The following POLR3GL variants were observed in gnomAD, a reference collection of about 807,000 sequenced individuals.
POLR3GL encodes the protein DNA-directed RNA polymerase III subunit RPC7-like.
Under a neutral mutation model 32.4 loss-of-function variants are expected in POLR3GL, and 26 were observed. That is an observed-to-expected ratio of 0.80 (90% CI 0.59 to 1.11). POLR3GL has a LOEUF of 1.11. Ranked by LOEUF, POLR3GL falls within the 50% of genes most tolerant of loss-of-function variation. The probability of loss-of-function intolerance (pLI) is 0.00; values close to 1 mark genes in which losing one functional copy is unlikely to be tolerated. For missense variants in POLR3GL, 229 were observed against 280.1 expected (o/e 0.82, Z 1.30); for synonymous variants, 95 against 98.7 (o/e 0.96, Z 0.22).
intron 1 of POLR3GL, among the ~76,000 whole-genome samples, chr1:145,967,301 AGTAGCT>A (rs1424320869): frequency 6.6e-6 from 1 of 151,654 alleles, no homozygotes; most frequent in Non-Finnish European, 1.5e-5. Context: ...CAGCCTCCTG[AGTAGCT>A]GGAATTAAAG....
intron 1 of POLR3GL, among the ~76,000 whole-genome samples, chr1:145,973,657 A>G (rs1553762985): frequency 6.6e-6 from 1 of 151,828 alleles, no homozygotes; most frequent in Non-Finnish European, 1.5e-5. Flanking sequence ...GGTTGCAGTG[A>G]GCCAAGATTG....
In POLR3GL at chr1:145,977,966, A is replaced by G. The variant is rs782293165; in HGVS notation, c.457-17A>G. 1.2e-6 allele frequency: 2 copies of G among 1,614,010 alleles called. No individual in the cohort carries two copies. Among genetic ancestry groups the G allele is most frequent in the Admixed American group, 1.7e-5 (1 of 60,000 alleles). ...GAACTGAACCTGAGTTTCTATTCCT[A>G]TTCATCCCCACATGAGACCCTGGAG... On this transcript the variant is annotated splice_polypyrimidine_tract_variant and intron_variant, in intron 6 of 7. Coordinates refer to ENST00000369314, the MANE Select transcript of POLR3GL (RefSeq NM_032305.3).
intron 2 of POLR3GL, 119 bp downstream of exon 2, chr1:145,975,110 C>A: frequency 7.4e-7 from 1 of 1,344,368 alleles, no homozygotes. Flanking sequence ...TCTATACTCC[C>A]AATGCACAGG....
chr1:145,965,227 G>A (rs1649965385), intron 1 of POLR3GL, among the ~76,000 whole-genome samples: 1 of 152,158 alleles, frequency 6.6e-6, no homozygotes, highest in South Asian at 2.1e-4. Context: ...TAGAATAGAA[G>A]GTTTTGTAGG....
At chr1:145,970,931 A>G (rs1311851759) in intron 1 of POLR3GL, among the ~76,000 whole-genome samples, 1 of 142,822 alleles carries the variant, frequency 7.0e-6, no homozygotes, top group Non-Finnish European at 1.5e-5. Context: ...TCATGCCTGT[A>G]ATCTAGCACT....
Position 145,978,464 on chromosome 1 carries a change from C to T in POLR3GL, c.*17C>T, listed in dbSNP as rs1650667165. Reference sequence around the variant, plus strand: ...ATATACTGAAGAAGGACTCTGGACCCTCGTGTCTTTCTTTAGGATACAGAG... The same window carrying T: ...ATATACTGAAGAAGGACTCTGGACCTTCGTGTCTTTCTTTAGGATACAGAG... On this transcript the variant is annotated 3_prime_UTR_variant, in exon 8 of 8. Transcript: ENST00000369314. 1.3e-6 allele frequency: 2 copies of T among 1,505,628 alleles called. No individual in the cohort carries two copies. Among genetic ancestry groups the T allele is most frequent in the East Asian group, 2.3e-5 (1 of 44,400 alleles). The allele number at this position is 1,505,628 out of a possible 1,614,324, so 93.3% of individuals were successfully genotyped here. A position where few individuals can be genotyped will look rare whatever the true frequency, so the allele number is the denominator to read the frequency against.
intron 1 of POLR3GL, among the ~76,000 whole-genome samples, chr1:145,970,596 G>A (rs1570992526): frequency 6.6e-6 from 1 of 151,930 alleles, no homozygotes; most frequent in Non-Finnish European, 1.5e-5. Context: ...TAGATTGGCC[G>A]GCCGCGGTGA....
intron 1 of POLR3GL, among the ~76,000 whole-genome samples, chr1:145,972,024 G>GTGTC (rs1650342312): frequency 7.2e-6 from 1 of 138,632 alleles, no homozygotes; most frequent in African/African-American, 2.8e-5. Context: ...GTGTGTGTGT[G>GTGTC]TGTGTGTATA....
intron 1 of POLR3GL, among the ~76,000 whole-genome samples, chr1:145,967,533 A>G (rs1650094113): frequency 6.6e-6 from 1 of 151,972 alleles, no homozygotes; most frequent in African/African-American, 2.4e-5. Context: ...TTCTATTGAG[A>G]TGATTTTTTA....
Position 145,978,738 on chromosome 1 carries a change from C to T in POLR3GL, c.*291C>T, listed in dbSNP as rs1370271111. On this transcript the variant is annotated 3_prime_UTR_variant, in exon 8 of 8. Transcript: ENST00000369314. ...GGTTGTTAGAGCTGAGATGACTGTACACATACCCCTGCCCAATTTATATAG... is the reference window on the plus strand; with the variant it reads ...GGTTGTTAGAGCTGAGATGACTGTATACATACCCCTGCCCAATTTATATAG... 1 of 370,556 alleles carries T rather than the reference C, an allele frequency of 2.7e-6. No homozygotes were observed. The highest frequency in any genetic ancestry group is 4.9e-6 in the Non-Finnish European group (1 of 204,236). 23.0% of individuals were successfully genotyped at this position (370,556 alleles called of 1,614,324 possible).
At chr1:145,976,555 C>T (rs1173789269) in intron 3 of POLR3GL, among the ~76,000 whole-genome samples, 2 of 142,396 alleles carry the variant, frequency 1.4e-5, no homozygotes, top group African/African-American at 5.4e-5. Context: ...CCAGCCCAGG[C>T]GACAGTGCGA....
At position 145,977,641 on chromosome 1, in the gene POLR3GL, CA is replaced by C. The variant is rs3215863; in HGVS notation, c.382+104del. The stretch of plus-strand genomic sequence containing the variant: ...CACCTTCCATCCCAGTTCCTATACC[CA>C]ATCTACCAAGTGTTGTTGCTAGATG... On this transcript the variant is annotated intron_variant, in intron 5 of 7. Coordinates refer to ENST00000369314, the MANE Select transcript of POLR3GL (RefSeq NM_032305.3). 4.8e-3 allele frequency: 6,290 copies of C among 1,315,654 alleles called. 198 individuals carry two copies. The East Asian group carries it at 0.07, about 15-fold the overall frequency. 81.5% of individuals were successfully genotyped at this position (1,315,654 alleles called of 1,614,324 possible).
At chr1:145,970,272 C>T (rs1650219284) in intron 1 of POLR3GL, among the ~76,000 whole-genome samples, 1 of 151,986 alleles carries the variant, frequency 6.6e-6, no homozygotes, top group Non-Finnish European at 1.5e-5. Context: ...CAGTCTCCCA[C>T]GTAGCTGGGA....
chr1:145,971,829 G>A (rs1223374102), intron 1 of POLR3GL, among the ~76,000 whole-genome samples: 1 of 151,016 alleles, frequency 6.6e-6, no homozygotes, highest in Non-Finnish European at 1.5e-5. Context: ...GCCGGGCGTA[G>A]TGGCGTGCGC....
In POLR3GL at chr1:145,975,430, A is replaced by C. The variant is rs1553763260; in HGVS notation, c.250A>C (p.Lys84Gln). The C allele has an allele frequency of 9.3e-6, 15 of 1,613,596 alleles. No homozygotes were observed. Among genetic ancestry groups the C allele is most frequent in the Non-Finnish European group, 1.2e-5 (14 of 1,179,538 alleles). Residue 84 changes from lysine to glutamine, a missense_variant, in exon 3 of 8, where the codon AAG becomes CAG. Physicochemically the swap from Lys to Gln is moderately conservative, Grantham distance 53 (BLOSUM62 1). Coordinates refer to ENST00000369314, the MANE Select transcript of POLR3GL (RefSeq NM_032305.3). ...CTACTTCATCCGGCCAGCTGTCCCC[A>C]AGAGAGGTCAGTTGGAATGCTAGCA... is the stretch of plus-strand genomic sequence containing the variant. ...LPYFIRPAVP[K>Q]RDVERYSDKY...
Position 145,978,003 on chromosome 1 carries a change from A to G in POLR3GL, c.477A>G (p.Glu159=), listed in dbSNP as rs782643951. 29 of 1,612,774 alleles carry G rather than the reference A, an allele frequency of 1.8e-5. No individual in the cohort carries two copies. The South Asian group carries it at 3.1e-4, about 17-fold the overall frequency. ...ATGAGACCCTGGAGAAGAAGGAAGA[A>G]GAAGTAACTTCAGAGGAGGATGAGG... ...QKLETLEKKE[E]EVTSEEDEEK... Residue 159 remains glutamate, a synonymous_variant, in exon 7 of 8, where the codon GAA becomes GAG. Coordinates refer to ENST00000369314, the MANE Select transcript of POLR3GL (RefSeq NM_032305.3).
At chr1:145,977,409 C>G in intron 4 of POLR3GL, 74 bp from the exon 5 acceptor site, 1 of 1,457,028 alleles carries the variant, frequency 6.9e-7, no homozygotes, top group Non-Finnish European at 9.6e-7. Context: ...CCTCACCCCC[C>G]TTTAAAACCA....
At chr1:145,969,021 C>G (rs1650161700) in intron 1 of POLR3GL, among the ~76,000 whole-genome samples, 1 of 152,102 alleles carries the variant, frequency 6.6e-6, no homozygotes, top group East Asian at 1.9e-4. Context: ...TTCCCAGATT[C>G]CTCAGATATA....
intron 1 of POLR3GL, among the ~76,000 whole-genome samples, chr1:145,965,197 T>A (rs1351527464): frequency 2.6e-5 from 4 of 151,870 alleles, no homozygotes; most frequent in Non-Finnish European, 4.4e-5. Flanking sequence ...ACTGTCTCTC[T>A]TTAACGTTTC....
Sources: allele counts gnomAD v4.1 joint callset (sites outside exome capture counted in the v4.1 genomes callset), GRCh38; gene constraint gnomAD v4.1.1; transcripts MANE v1.5; gene names NCBI Gene and HGNC (gene_info 2026-07-23, HGNC 2026-07-21).